Variants in PLG observed in about 807,000 individuals in gnomAD.
PLG encodes plasminogen, also known as plasmin.
PLG carries 41 observed loss-of-function variants against 104.4 expected under a neutral mutation model. The observed-to-expected ratio is 0.39, with a 90% confidence interval of 0.31 to 0.51. The LOEUF (loss-of-function observed/expected upper bound fraction) is 0.51, where lower values mean the gene tolerates loss of function less well. PLG is among the 20% of genes least tolerant of loss of function. The pLI is 0.76. For synonymous variants in PLG, 337 were observed against 357.1 expected (o/e 0.94, Z 0.63); for missense variants, 891 against 1,003.6 (o/e 0.89, Z 1.52).
intron 17 of PLG, among the ~76,000 whole-genome samples, chr6:160,748,015 T>C (rs974364370): frequency 2.0e-5 from 3 of 152,068 alleles, no homozygotes; most frequent in African/African-American, 7.2e-5. Flanking sequence ...AGAAAAGTCA[T>C]AAACTCTCTG....
chr6:160,711,967 C>G (rs1404288534), intron 4 of PLG: 1 of 1,231,256 alleles, frequency 8.1e-7, no homozygotes, highest in East Asian at 4.2e-5. Flanking sequence ...GCATTAAGTT[C>G]TCAGTAATGA....
intron 10 of PLG, among the ~76,000 whole-genome samples, chr6:160,728,885 T>C (rs1468014814): frequency 1.3e-5 from 2 of 152,050 alleles, no homozygotes; most frequent in Non-Finnish European, 2.9e-5. Flanking sequence ...ACACTAGCTT[T>C]AAAAGAAAAT....
Position 160,735,792 on chromosome 6 carries a change from C to T in PLG, c.1682-1095C>T, listed in dbSNP as rs1236692353. Among the ~76,000 whole-genome samples the T allele has an allele frequency of 6.6e-6, 1 of 152,146 alleles. No homozygotes were observed. The highest frequency in any genetic ancestry group is 1.5e-5 in the Non-Finnish European group (1 of 68,008). On this transcript the variant is annotated intron_variant, in intron 13 of 18. Transcript: ENST00000308192. The surrounding 1 kb of genome is among the most constrained non-coding windows in gnomAD (Gnocchi z 5.4). ...CAGGGTACCATCATTTCTGTAGTTA[C>T]TCTTTTAGTACAACGATGCATGTCT... is the stretch of plus-strand genomic sequence containing the variant.
At chr6:160,750,027 T>C (rs1778377157) in intron 17 of PLG, among the ~76,000 whole-genome samples, 2 of 151,998 alleles carry the variant, frequency 1.3e-5, no homozygotes, top group South Asian at 4.1e-4. Context: ...CCAGGATGAG[T>C]CACAAAACAT....
Position 160,713,241 on chromosome 6 carries a change from C to A in PLG, c.547+116C>A, listed in dbSNP as rs4252096. Reference sequence around the variant, plus strand: ...ATAATTGAGTAACGTATTCACCTCTCGGAAAGAAGCAAAACCCCAGAATTA... The same window carrying A: ...ATAATTGAGTAACGTATTCACCTCTAGGAAAGAAGCAAAACCCCAGAATTA... On this transcript the variant is annotated intron_variant, in intron 5 of 18. Coordinates refer to ENST00000308192, the MANE Select transcript of PLG (RefSeq NM_000301.5). 27 of 882,576 alleles carry A rather than the reference C, an allele frequency of 3.1e-5. No individual in the cohort carries two copies. The Admixed American group carries it at 4.9e-4, about 16-fold the overall frequency. 54.7% of individuals were successfully genotyped at this position (882,576 alleles called of 1,614,324 possible). A position where few individuals can be genotyped will look rare whatever the true frequency, so the allele number is the denominator to read the frequency against.
In PLG at chr6:160,726,630, G is replaced by C. The variant is rs1352702211; in HGVS notation, c.1256+4063G>C. Among the ~76,000 whole-genome samples, 1 of 151,716 alleles carries C rather than the reference G, an allele frequency of 6.6e-6. No homozygotes were observed. The highest frequency in any genetic ancestry group is 1.5e-5 in the Non-Finnish European group (1 of 67,810). ...ATTTGCTATTTCACTTTTATTTCCTGATAAGTGTACAGTGGAGTTTTCCAG... is the reference window on the plus strand; with the variant it reads ...ATTTGCTATTTCACTTTTATTTCCTCATAAGTGTACAGTGGAGTTTTCCAG... On this transcript the variant is annotated intron_variant, in intron 10 of 18. Coordinates refer to ENST00000308192, the MANE Select transcript of PLG (RefSeq NM_000301.5). This position sits in a 1 kb window ranked among gnomAD's most constrained non-coding sequence, Gnocchi z 4.4.
At position 160,737,808 on chromosome 6, in the gene PLG, G is replaced by A. The variant is rs554100005; in HGVS notation, c.1803-730G>A. Among the ~76,000 whole-genome samples the A allele has an allele frequency of 3.5e-4, 54 of 152,182 alleles. No homozygotes were observed. Among genetic ancestry groups the A allele is most frequent in the African/African-American group, 1.2e-3 (49 of 41,466 alleles). On this transcript the variant is annotated intron_variant, in intron 14 of 18. Coordinates refer to ENST00000308192, the MANE Select transcript of PLG (RefSeq NM_000301.5). This position sits in a 1 kb window ranked among gnomAD's most constrained non-coding sequence, Gnocchi z 4.7. ...TTGCATTTCACTCTGCTGTTGAGTC[G>A]ATTTTTCTTTATTTTATCATTTAGT...
In PLG at chr6:160,723,669, A is replaced by G. The variant is rs1029315835; in HGVS notation, c.1256+1102A>G. 6.6e-6 allele frequency among the ~76,000 whole-genome samples: 1 copy of G among 152,216 alleles called. No individual in the cohort carries two copies. Among genetic ancestry groups the G allele is most frequent in the Non-Finnish European group, 1.5e-5 (1 of 68,038 alleles). On this transcript the variant is annotated intron_variant, in intron 10 of 18. Coordinates refer to ENST00000308192, the MANE Select transcript of PLG (RefSeq NM_000301.5). The surrounding 1 kb of genome is among the most constrained non-coding windows in gnomAD (Gnocchi z 4.7). ...AGAAAAGTCCTCAAGTCTTTGGCTA[A>G]ATAGAAAGCTGCATATGCACAGGGA...
intron 5 of PLG, among the ~76,000 whole-genome samples, chr6:160,714,326 C>T (rs889401592): frequency 6.6e-6 from 1 of 152,180 alleles, no homozygotes; most frequent in African/African-American, 2.4e-5. Context: ...CAGACTAAAA[C>T]CCTGAGACGG....
rs572125605 is a variant in PLG, at chr6:160,747,337, G to C, written c.2126-4778G>C. On this transcript the variant is annotated intron_variant, in intron 17 of 18. Transcript: ENST00000308192. ...ATTTTAGGGATTCTTTCTTCTCTTT[G>C]CAGTATGCCCTGACAATAATTATAT... Among the ~76,000 whole-genome samples the C allele has an allele frequency of 2.0e-5, 3 of 152,276 alleles. No homozygotes were observed. The South Asian group carries it at 6.2e-4, about 32-fold the overall frequency.
chr6:160,718,737 C>A lies in PLG; in HGVS notation c.995C>A (p.Ala332Asp), dbSNP rs1017097573. ...TGCCGCAATCCTGACGGAAAAAGGG[C>A]CCCATGGTGCCATACAACCAACAGC... ...NYCRNPDGKR[A>D]PWCHTTNSQV... is the part of the protein sequence containing the mutation. The change falls in exon 9 of 19, where the codon GCC becomes GAC. Residue 332 changes from alanine to aspartate, a missense_variant. Ala to Asp is a moderately radical substitution (Grantham distance 126). This residue lies in a region of PLG where 854 missense variants were observed against 932.1 expected (regional missense o/e 0.92). Transcript: ENST00000308192. 1 of 1,613,648 alleles carries A rather than the reference C, an allele frequency of 6.2e-7. No homozygotes were observed. Among genetic ancestry groups the A allele is most frequent in the Non-Finnish European group, 8.5e-7 (1 of 1,179,616 alleles).
intron 7 of PLG, among the ~76,000 whole-genome samples, chr6:160,717,462 CT>C (rs3842103): frequency 0.45 from 67,702 of 151,284 alleles, 15,426 homozygotes; most frequent in Middle Eastern, 0.58. Flanking sequence ...ATTAATTTCT[CT>C]TTTTTTTTCA....
chr6:160,718,358 C>A lies in PLG; in HGVS notation c.852C>A (p.Arg284=), dbSNP rs760216173. The stretch of plus-strand genomic sequence containing the variant: ...TGAAGGGAACAGGTGAAAACTATCG[C>A]GGGAATGTGGCTGTTACCGTGTCCG... ...QCLKGTGENY[R]GNVAVTVSGH... Residue 284 remains arginine (R), a synonymous_variant, in exon 8 of 19, where the codon CGC becomes CGA. Coordinates refer to ENST00000308192, the MANE Select transcript of PLG (RefSeq NM_000301.5). The A allele has an allele frequency of 1.2e-6, 2 of 1,613,764 alleles. No individual in the cohort carries two copies. Among genetic ancestry groups the A allele is most frequent in the Admixed American group, 3.3e-5 (2 of 60,024 alleles).
chr6:160,737,353 AG>A lies in PLG; in HGVS notation c.1802+351del, dbSNP rs1778101208. Reference sequence around the variant, plus strand: ...CATTGTCTCATTGTCAGATGAAAAGAGGGGGAAGTTTTTAGAAATGTGACAC... The same window carrying A: ...CATTGTCTCATTGTCAGATGAAAAGAGGGGAAGTTTTTAGAAATGTGACAC... On this transcript the variant is annotated intron_variant, in intron 14 of 18. Coordinates refer to ENST00000308192, the MANE Select transcript of PLG (RefSeq NM_000301.5). This position sits in a 1 kb window ranked among gnomAD's most constrained non-coding sequence, Gnocchi z 4.7. Among the ~76,000 whole-genome samples the A allele has an allele frequency of 2.0e-5, 3 of 152,136 alleles. No individual in the cohort carries two copies. The highest frequency in any genetic ancestry group is 2.1e-4 in the South Asian group (1 of 4,830).
chr6:160,718,195 T>C lies in PLG; in HGVS notation c.788-99T>C, dbSNP rs556087131. On this transcript the variant is annotated intron_variant, in intron 7 of 18. Coordinates refer to ENST00000308192, the MANE Select transcript of PLG (RefSeq NM_000301.5). ...TGAACCCAGGAGGCAGAGGTTGCAGTGAGCTGAGATCGTGCCACTGACTCC... is the reference window on the plus strand; with the variant it reads ...TGAACCCAGGAGGCAGAGGTTGCAGCGAGCTGAGATCGTGCCACTGACTCC... 2.7e-5 allele frequency: 27 copies of C among 1,003,898 alleles called. No individual in the cohort carries two copies. The East Asian group carries it at 6.4e-4, about 24-fold the overall frequency. 62.2% of individuals were successfully genotyped at this position (1,003,898 alleles called of 1,614,324 possible). A position where few individuals can be genotyped will look rare whatever the true frequency, so the allele number is the denominator to read the frequency against.
At chr6:160,751,970 G>T (rs1778409452) in intron 17 of PLG, 145 bp from the exon 18 acceptor site, 3 of 730,700 alleles carry the variant, frequency 4.1e-6, no homozygotes, top group Non-Finnish European at 7.4e-6. Context: ...CACTCTGCAG[G>T]GTCAGAGACT....
In PLG at chr6:160,731,268, A is replaced by G; in HGVS notation, c.1438+36A>G. 6.5e-7 allele frequency: 1 copy of G among 1,542,866 alleles called. No individual in the cohort carries two copies. The highest frequency in any genetic ancestry group is 2.2e-5 in the East Asian group (1 of 44,624). ...TGTGGCTGGACATCTACACACTTGGACGCTGGGATGAAAAGCCATGGAAAA... is the reference window on the plus strand; with the variant it reads ...TGTGGCTGGACATCTACACACTTGGGCGCTGGGATGAAAAGCCATGGAAAA... On this transcript the variant is annotated intron_variant, in intron 11 of 18. Coordinates refer to ENST00000308192, the MANE Select transcript of PLG (RefSeq NM_000301.5). The surrounding 1 kb of genome is among the most constrained non-coding windows in gnomAD (Gnocchi z 5.1).
chr6:160,704,376 G>A (rs1777479750), intron 1 of PLG, among the ~76,000 whole-genome samples: 1 of 152,204 alleles, frequency 6.6e-6, no homozygotes, highest in South Asian at 2.1e-4. Flanking sequence ...TTAATTGAAG[G>A]GGGAAATAAA....
chr6:160,713,546 G>A (rs1243112529), intron 5 of PLG, among the ~76,000 whole-genome samples: 1 of 152,102 alleles, frequency 6.6e-6, no homozygotes, highest in African/African-American at 2.4e-5. Flanking sequence ...TGGGATTACA[G>A]GCATGAGCCA....
Sources: gnomAD v4.1 joint callset for allele counts (sites outside exome capture counted in the v4.1 genomes callset) on GRCh38, gnomAD v4.1.1 for gene constraint, gnomAD v4.1.1 regional missense constraint, Gnocchi (gnomAD v3.1) non-coding constraint, MANE v1.5 for transcripts, NCBI Gene and HGNC (gene_info 2026-07-23, HGNC 2026-07-21) for gene names.